The following CDK5RAP2 variants were observed in gnomAD, a reference collection of about 807,000 sequenced individuals.
The protein encoded by CDK5RAP2 is CDK5 regulatory subunit associated protein 2.
A neutral mutation model predicts 232.9 loss-of-function variants in CDK5RAP2; 147 were observed. The ratio of observed to expected loss-of-function variants is 0.63; its 90% CI spans 0.55 to 0.72. The LOEUF (loss-of-function observed/expected upper bound fraction) is 0.72, where lower values mean the gene tolerates loss of function less well. Among genes scored for constraint, CDK5RAP2 ranks in the 30% least tolerant of loss-of-function variants. The probability of loss-of-function intolerance (pLI) is 0.00; values close to 1 mark genes in which losing one functional copy is unlikely to be tolerated. For synonymous variants in CDK5RAP2, 833 were observed against 833.7 expected (o/e 1.00, Z 0.01); for missense variants, 2,195 against 2,231.5 (o/e 0.98, Z 0.33).
intron 22 of CDK5RAP2, among the ~76,000 whole-genome samples, chr9:120,444,790 A>C (rs1225674613): frequency 6.6e-6 from 1 of 152,216 alleles, no homozygotes; most frequent in East Asian, 1.9e-4. Context: ...CCTAGCTAGA[A>C]AAGTTAGTCA....
chr9:120,549,785 T>C (rs2041984746), intron 4 of CDK5RAP2, among the ~76,000 whole-genome samples: 1 of 152,216 alleles, frequency 6.6e-6, no homozygotes, highest in South Asian at 2.1e-4. Context: ...TCCTTTAAAA[T>C]TGTGATTGCA....
At chr9:120,470,697 A>G (rs901661413) in intron 16 of CDK5RAP2, among the ~76,000 whole-genome samples, 2 of 151,570 alleles carry the variant, frequency 1.3e-5, no homozygotes, top group Non-Finnish European at 2.9e-5. Flanking sequence ...CAAGCACACT[A>G]AGTGCAGAAA....
intron 22 of CDK5RAP2, among the ~76,000 whole-genome samples, chr9:120,445,178 A>G (rs539529779): frequency 1.3e-5 from 2 of 152,328 alleles, no homozygotes; most frequent in Admixed American, 1.3e-4. Flanking sequence ...CGCAGCCTTC[A>G]AAGTTGTGGT....
chr9:120,486,408 TTAA>T (rs2038604121), intron 14 of CDK5RAP2, among the ~76,000 whole-genome samples: 1 of 146,094 alleles, frequency 6.8e-6, no homozygotes. Flanking sequence ...GGTTTTTCTT[TTAA>T]AAAAAAAAAA....
chr9:120,428,582 C>T (rs966150089), intron 25 of CDK5RAP2, among the ~76,000 whole-genome samples: 4 of 152,104 alleles, frequency 2.6e-5, no homozygotes, highest in Non-Finnish European at 4.4e-5. Context: ...CTGAATAGAC[C>T]AATAACAGGA....
intron 5 of CDK5RAP2, among the ~76,000 whole-genome samples, chr9:120,539,931 G>A (rs997575395): frequency 1.6e-4 from 24 of 152,190 alleles, no homozygotes; most frequent in South Asian, 8.3e-4. Context: ...AGTATGCAAC[G>A]AAGTCTATAT....
At chr9:120,481,822 A>G (rs1176023366) in intron 14 of CDK5RAP2, among the ~76,000 whole-genome samples, 2 of 152,168 alleles carry the variant, frequency 1.3e-5, no homozygotes, top group Non-Finnish European at 2.9e-5. Context: ...CTGTATGTCA[A>G]TATTCTTACC....
At chr9:120,530,283 A>C in intron 7 of CDK5RAP2, 143 bp from the exon 8 acceptor site, 1 of 640,070 alleles carries the variant, frequency 1.6e-6, no homozygotes. Context: ...TTTTGCAGGT[A>C]GGAGATTAAG....
rs1189501756 is a variant in CDK5RAP2 at position 120,539,041 on chromosome 9, C to A, written c.507G>T (p.Lys169Asn). The A allele has an allele frequency of 8.7e-6, 14 of 1,614,010 alleles. No individual in the cohort carries two copies. The highest frequency in any genetic ancestry group is 1.2e-5 in the Non-Finnish European group (14 of 1,179,894). The change falls in exon 6 of 38, where the codon AAG becomes AAT. Residue 169 changes from lysine (K) to asparagine (N), a missense_variant and splice_region_variant. By Grantham distance (94) the Lys-to-Asn change is moderately conservative. Transcript: ENST00000349780. Reference protein sequence around the residue: ...LLTKRILLLEKDVTAAQAELE... With the variant: ...LLTKRILLLENDVTAAQAELE... ...CTGCCCTCAGGATTTCCAGACTTGC[C>A]TTTTCCAAAAGGAGTATTCTTTTAG... is the stretch of plus-strand genomic sequence containing the variant.
At chr9:120,474,713 G>A (rs893838536) in intron 15 of CDK5RAP2, among the ~76,000 whole-genome samples, 2 of 152,222 alleles carry the variant, frequency 1.3e-5, no homozygotes, top group African/African-American at 4.8e-5. Flanking sequence ...AAGTGCTGCT[G>A]TGAAGAATAA....
chr9:120,525,668 A>C (rs1209882259), intron 10 of CDK5RAP2, among the ~76,000 whole-genome samples: 1 of 151,998 alleles, frequency 6.6e-6, no homozygotes, highest in East Asian at 1.9e-4. Context: ...CCCAGGCTAG[A>C]GTGCAGTGGC....
In CDK5RAP2 at chr9:120,408,562, T is replaced by C. The variant is rs1444163158; in HGVS notation, c.4605-94A>G. 2.2e-6 allele frequency: 3 copies of C among 1,374,402 alleles called. No homozygotes were observed. In the African/African-American group the frequency reaches 4.2e-5, roughly 19 times the overall value. The allele number at this position is 1,374,402 out of a possible 1,614,324, so 85.1% of individuals were successfully genotyped here. ...CAGAGCAGGCCAATTCCACCCTCAGTCACAAGAGTGTGGACCAAGAAGTGA... is the reference window on the plus strand; with the variant it reads ...CAGAGCAGGCCAATTCCACCCTCAGCCACAAGAGTGTGGACCAAGAAGTGA... On this transcript the variant is annotated intron_variant, in intron 30 of 37. Transcript: ENST00000349780.
chr9:120,561,641 G>A (rs1359222319), intron 3 of CDK5RAP2, among the ~76,000 whole-genome samples: 1 of 99,572 alleles, frequency 1.0e-5, no homozygotes, highest in Non-Finnish European at 2.3e-5. Context: ...ACACCAGTTG[G>A]AATTTAACTA....
intron 3 of CDK5RAP2, among the ~76,000 whole-genome samples, chr9:120,564,370 A>G (rs965708180): frequency 6.6e-6 from 1 of 151,934 alleles, no homozygotes; most frequent in Non-Finnish European, 1.5e-5. Context: ...TACGCCTGTA[A>G]TCCCAGCTAC....
chr9:120,504,897 A>T (rs1035711497), intron 12 of CDK5RAP2, among the ~76,000 whole-genome samples: 2 of 152,212 alleles, frequency 1.3e-5, no homozygotes, highest in South Asian at 2.1e-4. Flanking sequence ...TTCAAGTGCC[A>T]TCTCTTCCAC....
chr9:120,537,744 CAGAG>C (rs2041456873), intron 6 of CDK5RAP2, among the ~76,000 whole-genome samples: 1 of 151,376 alleles, frequency 6.6e-6, no homozygotes, highest in Non-Finnish European at 1.5e-5. Flanking sequence ...ATTCACCTCA[CAGAG>C]GTTTACTGAA....
chr9:120,571,111 C>T (rs1386313594), intron 2 of CDK5RAP2, among the ~76,000 whole-genome samples: 3 of 152,110 alleles, frequency 2.0e-5, no homozygotes, highest in Admixed American at 6.5e-5. Context: ...TGTGCGTGAT[C>T]GCACCTCTGC....
chr9:120,565,790 T>C (rs2042626275), intron 3 of CDK5RAP2, among the ~76,000 whole-genome samples: 2 of 152,144 alleles, frequency 1.3e-5, no homozygotes, highest in African/African-American at 4.8e-5. Context: ...CCCCGAGTCA[T>C]AGCCCCTCCT....
intron 3 of CDK5RAP2, among the ~76,000 whole-genome samples, chr9:120,557,598 A>T (rs1363736086): frequency 3.3e-5 from 5 of 151,846 alleles, no homozygotes; most frequent in Admixed American, 1.3e-4. Context: ...TCTACAAAAA[A>T]TTTTTTAAAA....
Sources: allele counts gnomAD v4.1 joint callset (sites outside exome capture counted in the v4.1 genomes callset), GRCh38; gene constraint gnomAD v4.1.1; transcripts MANE v1.5; gene names NCBI Gene and HGNC (gene_info 2026-07-23, HGNC 2026-07-21).